SLC36A3: variants seen among roughly 807,000 people sequenced by gnomAD.
The protein encoded by SLC36A3 is proton-coupled amino acid transporter 3.
Under a neutral mutation model 44.3 loss-of-function variants are expected in SLC36A3, and 35 were observed. The observed-to-expected ratio is 0.79, with a 90% CI of 0.60 to 1.05. The LOEUF (loss-of-function observed/expected upper bound fraction) is 1.05. Ranked by LOEUF, SLC36A3 falls within the 50% of genes least tolerant of loss-of-function variation. The probability of loss-of-function intolerance (pLI) is 0.00; values close to 1 mark genes in which losing one functional copy is unlikely to be tolerated. For missense variants in SLC36A3, 540 were observed against 578.7 expected (o/e 0.93, Z 0.69); for synonymous variants, 211 against 227.6 (o/e 0.93, Z 0.66).
chr5:151,296,213 A>T lies in SLC36A3; in HGVS notation c.275T>A (p.Ile92Asn), dbSNP rs201067669. The T allele has an allele frequency of 6.2e-7, 1 of 1,614,052 alleles. No homozygotes were observed. Among genetic ancestry groups the T allele is most frequent in the African/African-American group, 1.3e-5 (1 of 74,926 alleles). Residue 92 changes from isoleucine (I) to asparagine (N), a missense_variant, in exon 3 of 10, where the codon ATC becomes AAC. By Grantham distance (149) the Ile-to-Asn change is moderately radical. Transcript: ENST00000335230. Reference protein sequence around the residue: ...IGVLTVHCMVILLNCAQHLSQ... With the variant: ...IGVLTVHCMVNLLNCAQHLSQ... ...GAGGTGTTGAGCACAGTTCAACAGGATGACCATGCAGTGCACGGTGAGGAC... is the reference window on the plus strand; with the variant it reads ...GAGGTGTTGAGCACAGTTCAACAGGTTGACCATGCAGTGCACGGTGAGGAC...
chr5:151,298,668 C>G lies in SLC36A3; in HGVS notation c.144G>C (p.Leu48Phe), dbSNP rs1755044840. ...CAATGTTGCATTTCAACAAGTGGAT[C>G]AAAGTTTGCATCATCCTGTGGTGGG... ...GEAGLSMMQT[L>F]IHLLKCNIGT... The change falls in exon 2 of 10, where the codon TTG (leucine) becomes TTC (phenylalanine). Residue 48 changes from leucine (L) to phenylalanine (F), a missense_variant. Coordinates refer to ENST00000335230, the MANE Select transcript of SLC36A3 (RefSeq NM_181774.4). The G allele has an allele frequency of 6.2e-7, 1 of 1,613,920 alleles. No individual in the cohort carries two copies.
intron 2 of SLC36A3, 87 bp from the exon 3 acceptor site, chr5:151,296,355 G>A (rs1206610445): frequency 2.6e-6 from 3 of 1,133,588 alleles, no homozygotes; most frequent in Non-Finnish European, 2.6e-6. Context: ...GCTGGGGCCT[G>A]TTGCATAATA....
chr5:151,293,228 G>A (rs541218955), intron 4 of SLC36A3, 136 bp downstream of exon 4: 5 of 714,326 alleles, frequency 7.0e-6, no homozygotes, highest in African/African-American at 5.4e-5. Context: ...TGGGGGATGG[G>A]GTTATCGAGG....
At chr5:151,289,243 C>T (rs1269464334) in intron 4 of SLC36A3, among the ~76,000 whole-genome samples, 2 of 152,020 alleles carry the variant, frequency 1.3e-5, no homozygotes, top group African/African-American at 4.8e-5. Context: ...TCCAAGACCC[C>T]TTACAAATTC....
At chr5:151,291,160 T>A (rs995325617) in intron 4 of SLC36A3, among the ~76,000 whole-genome samples, 2 of 151,888 alleles carry the variant, frequency 1.3e-5, no homozygotes, top group Admixed American at 6.6e-5. Context: ...TTAAAAAAAA[T>A]TTTTGTGGAG....
chr5:151,291,292 T>C (rs1754751372), intron 4 of SLC36A3, among the ~76,000 whole-genome samples: 1 of 152,216 alleles, frequency 6.6e-6, no homozygotes. Flanking sequence ...AATAATTTCT[T>C]TATACCATCT....
At chr5:151,287,072 A>G (rs1448970139) in intron 6 of SLC36A3, among the ~76,000 whole-genome samples, 174 bp downstream of exon 6, 1 of 152,178 alleles carries the variant, frequency 6.6e-6, no homozygotes, top group Non-Finnish European at 1.5e-5. Flanking sequence ...GATGATAATA[A>G]TTAGCTTTTA....
chr5:151,277,478 C>T lies in SLC36A3; in HGVS notation c.1328G>A (p.Cys443Tyr), dbSNP rs1193508471. ...IMISIVGLLG[C>Y]IFGTYQALYE... ...GAGGGCTTGGTATGTCCCAAATATA[C>T]ACCCTAAAAGGCCCACGATGCTAAT... The change falls in exon 10 of 10, where the codon TGT becomes TAT. Residue 443 changes from cysteine (C) to tyrosine (Y), a missense_variant. Coordinates refer to ENST00000335230, the MANE Select transcript of SLC36A3 (RefSeq NM_181774.4). 5.6e-6 allele frequency: 9 copies of T among 1,614,044 alleles called. No individual in the cohort carries two copies. The East Asian group carries it at 2.0e-4, about 36-fold the overall frequency.
chr5:151,299,264 C>CTATATATATATATATATATATATATA, intron 1 of SLC36A3, among the ~76,000 whole-genome samples: 1 of 59,646 alleles, frequency 1.7e-5, no homozygotes, highest in East Asian at 6.0e-4. Flanking sequence ...CTCTCTCTCT[C>CTATATATATATATATATATATATATA]TATATATATA....
At chr5:151,279,928 T>G (rs1357426209) in intron 9 of SLC36A3, among the ~76,000 whole-genome samples, 1 of 152,136 alleles carries the variant, frequency 6.6e-6, no homozygotes, top group Non-Finnish European at 1.5e-5. Flanking sequence ...TAAGGATAAA[T>G]GTGGAAATTT....
At chr5:151,283,175 T>C (rs903195949) in intron 8 of SLC36A3, among the ~76,000 whole-genome samples, 8 of 152,226 alleles carry the variant, frequency 5.3e-5, no homozygotes, top group African/African-American at 1.9e-4. Context: ...CATGAGCCAC[T>C]GCCCCTGGCC....
intron 9 of SLC36A3, among the ~76,000 whole-genome samples, chr5:151,279,884 C>T (rs1446866558): frequency 6.6e-6 from 1 of 152,202 alleles, no homozygotes; most frequent in Non-Finnish European, 1.5e-5. Flanking sequence ...GACTAAATTT[C>T]TCCCTTCACT....
chr5:151,297,453 A>G (rs1307108571), intron 2 of SLC36A3: 2 of 152,190 alleles, frequency 1.3e-5, no homozygotes, highest in Non-Finnish European at 2.9e-5. Context: ...CGCCTTCTTT[A>G]GACATAGAAG....
At chr5:151,280,819 C>T (rs1007293878) in intron 9 of SLC36A3, among the ~76,000 whole-genome samples, 195 bp downstream of exon 9, 4 of 152,252 alleles carry the variant, frequency 2.6e-5, no homozygotes, top group Admixed American at 6.5e-5. Context: ...GCAGTAGAGA[C>T]GACTATAACA....
At chr5:151,292,870 G>A (rs1007662163) in intron 4 of SLC36A3, among the ~76,000 whole-genome samples, 1 of 152,098 alleles carries the variant, frequency 6.6e-6, no homozygotes. Context: ...TGTAATCCCA[G>A]CTACTCAGGA....
chr5:151,297,089 G>A (rs1304283522), intron 2 of SLC36A3: 1 of 152,172 alleles, frequency 6.6e-6, no homozygotes, highest in Non-Finnish European at 1.5e-5. Flanking sequence ...GACTCCACTG[G>A]AATGCAGGCT....
intron 9 of SLC36A3, among the ~76,000 whole-genome samples, chr5:151,279,374 C>T (rs1243971385): frequency 6.6e-6 from 1 of 152,202 alleles, no homozygotes; most frequent in African/African-American, 2.4e-5. Context: ...GCAGAAGCTA[C>T]ATCTTCTTCA....
intron 4 of SLC36A3, among the ~76,000 whole-genome samples, chr5:151,292,487 C>T (rs7714249): frequency 0.16 from 23,878 of 152,162 alleles, 2,436 homozygotes; most frequent in African/African-American, 0.29. Flanking sequence ...TCTTTATAAG[C>T]CTCATATTTC....
intron 9 of SLC36A3, 131 bp from the exon 10 acceptor site, chr5:151,277,792 G>C: frequency 9.0e-7 from 1 of 1,113,352 alleles, no homozygotes; most frequent in Non-Finnish European, 1.3e-6. Context: ...TGCAGGCTTG[G>C]GGAGGTCAGG....
Sources: gnomAD v4.1 joint callset for allele counts (sites outside exome capture counted in the v4.1 genomes callset) on GRCh38, gnomAD v4.1.1 for gene constraint, MANE v1.5 for transcripts, NCBI Gene and HGNC (gene_info 2026-07-23, HGNC 2026-07-21) for gene names.